BTBD1: variants seen among roughly 807,000 people sequenced by gnomAD.
The protein encoded by BTBD1 is BTB domain containing 1.
A neutral mutation model predicts 48.0 loss-of-function variants in BTBD1; 34 were observed. The ratio of observed to expected loss-of-function variants is 0.71; its 90% CI spans 0.54 to 0.94. The LOEUF is 0.94. Ranked by LOEUF, BTBD1 falls within the 40% of genes least tolerant of loss-of-function variation. BTBD1 has a pLI of 0.00. For missense variants in BTBD1, 543 were observed against 625.6 expected (o/e 0.87, Z 1.41); for synonymous variants, 261 against 242.1 (o/e 1.08, Z -0.72).
chr15:83,017,860 TTTCTC>T lies in BTBD1; in HGVS notation c.*202_*206del, dbSNP rs1396366352. Reference sequence around the variant, plus strand: ...TTTTTAAACCATTAAACCCAGTTCTTTTCTCTTAAAGTTGTAAGAAAATGGAAAAT... The same window carrying T: ...TTTTTAAACCATTAAACCCAGTTCTTTTAAAGTTGTAAGAAAATGGAAAAT... On this transcript the variant is annotated 3_prime_UTR_variant, in exon 8 of 8. Transcript: ENST00000261721. The T allele has an allele frequency of 5.8e-5, 19 of 330,216 alleles. No individual in the cohort carries two copies. Among genetic ancestry groups the T allele is most frequent in the Non-Finnish European group, 1.0e-4 (19 of 184,630 alleles). 20.5% of individuals were successfully genotyped at this position (330,216 alleles called of 1,614,324 possible). A position where few individuals can be genotyped will look rare whatever the true frequency, so the allele number is the denominator to read the frequency against.
In BTBD1 at chr15:83,017,074, T is replaced by TG. The variant is rs1254931930; in HGVS notation, c.*992dup. 1 of 152,658 alleles carries TG rather than the reference T, an allele frequency of 6.6e-6. No individual in the cohort carries two copies. The highest frequency in any genetic ancestry group is 1.5e-5 in the Non-Finnish European group (1 of 68,042). The allele number at this position is 152,658 out of a possible 1,614,324, so 9.5% of individuals were successfully genotyped here. On this transcript the variant is annotated 3_prime_UTR_variant, in exon 8 of 8. Transcript: ENST00000261721. Reference sequence around the variant, plus strand: ...CCAACACAGCTGTAACACTGACTAATGGGGTCATGACCATGAAGCAAATTT... The same window carrying TG: ...CCAACACAGCTGTAACACTGACTAATGGGGGTCATGACCATGAAGCAAATTT...
At chr15:83,026,969 C>CGTGTGTGTGT (rs71156067) in intron 5 of BTBD1, among the ~76,000 whole-genome samples, 3 of 150,162 alleles carry the variant, frequency 2.0e-5, no homozygotes, top group Non-Finnish European at 4.5e-5. Flanking sequence ...AGGGGAAATA[C>CGTGTGTGTGT]GTGTGTGTGT....
intron 5 of BTBD1, chr15:83,024,307 T>C (rs2032362806): frequency 2.0e-5 from 3 of 152,242 alleles, no homozygotes; most frequent in Admixed American, 2.0e-4. Flanking sequence ...TTAATGTAGA[T>C]TCAAAAGATC....
intron 4 of BTBD1, among the ~76,000 whole-genome samples, chr15:83,031,779 A>T (rs78479344): frequency 6.1e-5 from 9 of 147,754 alleles, no homozygotes; most frequent in Admixed American, 1.4e-4. Context: ...AAGTATAATT[A>T]AAAAAAAAAA....
rs750407971 is a variant in BTBD1 at position 83,018,696 on chromosome 15, A to G, written c.1290+11T>C. 17 of 1,613,138 alleles carry G rather than the reference A, an allele frequency of 1.1e-5. No homozygotes were observed. Among genetic ancestry groups the G allele is most frequent in the Non-Finnish European group, 1.3e-5 (15 of 1,179,640 alleles). On this transcript the variant is annotated intron_variant, in intron 7 of 7. Coordinates refer to ENST00000261721, the MANE Select transcript of BTBD1 (RefSeq NM_025238.4). ...GAGGAAACCATCTGGAACATAGTGC[A>G]TGACTCTTACTTTGAGTGTTGCACA...
intron 4 of BTBD1, among the ~76,000 whole-genome samples, chr15:83,034,339 T>A (rs973210984): frequency 1.3e-5 from 2 of 152,154 alleles, no homozygotes; most frequent in Admixed American, 1.3e-4. Flanking sequence ...ACAAGAAGTT[T>A]AGGCCAGGCG....
chr15:83,023,238 GATT>G (rs995402811), intron 5 of BTBD1, among the ~76,000 whole-genome samples: 3 of 151,870 alleles, frequency 2.0e-5, no homozygotes, highest in Non-Finnish European at 2.9e-5. Flanking sequence ...GGATAATCTA[GATT>G]ATTTGCAGTT....
chr15:83,052,797 ATT>A (rs398028150), intron 2 of BTBD1, among the ~76,000 whole-genome samples: 5 of 94,526 alleles, frequency 5.3e-5, no homozygotes, highest in Non-Finnish European at 2.0e-5. Flanking sequence ...CGCCCGGCTA[ATT>A]TTTTTTTTTT....
Position 83,017,562 on chromosome 15 carries a change from C to T in BTBD1, c.*505G>A, listed in dbSNP as rs2032194372. ...ATGCTAACAACAAGATACTTCAAAC[C>T]ACCAAATATAAAGTCAGCTTCTTAA... is the stretch of plus-strand genomic sequence containing the variant. On this transcript the variant is annotated 3_prime_UTR_variant, in exon 8 of 8. Coordinates refer to ENST00000261721, the MANE Select transcript of BTBD1 (RefSeq NM_025238.4). The T allele has an allele frequency of 6.6e-6, 1 of 152,556 alleles. No homozygotes were observed. Among genetic ancestry groups the T allele is most frequent in the South Asian group, 2.1e-4 (1 of 4,830 alleles). The allele number at this position is 152,556 out of a possible 1,614,324, so 9.5% of individuals were successfully genotyped here.
intron 3 of BTBD1, 74 bp downstream of exon 3, chr15:83,049,999 C>A: frequency 3.6e-6 from 3 of 843,302 alleles, no homozygotes; most frequent in Non-Finnish European, 5.6e-6. Context: ...AAAATAGCCC[C>A]TTCTCCAACA....
chr15:83,047,888 G>T, intron 3 of BTBD1, among the ~76,000 whole-genome samples: 1 of 152,182 alleles, frequency 6.6e-6, no homozygotes. Flanking sequence ...TAAATTTTAT[G>T]CAAATGGATG....
chr15:83,053,515 C>T (rs1376142790), intron 2 of BTBD1, among the ~76,000 whole-genome samples: 3 of 152,162 alleles, frequency 2.0e-5, no homozygotes, highest in African/African-American at 4.8e-5. Context: ...TATTCTGGTC[C>T]TACTGAACCA....
chr15:83,061,548 CAG>C (rs2033176512), intron 1 of BTBD1: 1 of 148,148 alleles, frequency 6.8e-6, no homozygotes, highest in East Asian at 2.0e-4. Flanking sequence ...CAGATTGTGG[CAG>C]AGTGACATTG....
intron 4 of BTBD1, among the ~76,000 whole-genome samples, chr15:83,041,422 C>A (rs1028101915): frequency 4.0e-5 from 6 of 150,836 alleles, no homozygotes; most frequent in Non-Finnish European, 7.4e-5. Context: ...GTCGCCCGGG[C>A]TGGAATGCAA....
At chr15:83,027,366 A>T (rs2032430139) in intron 5 of BTBD1, among the ~76,000 whole-genome samples, 1 of 152,154 alleles carries the variant, frequency 6.6e-6, no homozygotes, top group South Asian at 2.1e-4. Context: ...ACAAACAAAC[A>T]AACACCTCGT....
intron 1 of BTBD1, among the ~76,000 whole-genome samples, chr15:83,058,723 T>A (rs568353192): frequency 1.3e-5 from 2 of 152,316 alleles, no homozygotes; most frequent in South Asian, 4.1e-4. Flanking sequence ...TTACTAGAGT[T>A]GTAAAACAGA....
chr15:83,025,360 A>C (rs2032385265), intron 5 of BTBD1, among the ~76,000 whole-genome samples: 4 of 147,838 alleles, frequency 2.7e-5, no homozygotes, highest in African/African-American at 5.0e-5. Flanking sequence ...TCCATCACAA[A>C]AAAAAAAAAA....
At chr15:83,024,418 A>T (rs1384389741) in intron 5 of BTBD1, 1 of 152,226 alleles carries the variant, frequency 6.6e-6, no homozygotes, top group Non-Finnish European at 1.5e-5. Context: ...GTGATTTTGT[A>T]CTTAAAACTT....
At chr15:83,047,960 T>C (rs1277692236) in intron 3 of BTBD1, among the ~76,000 whole-genome samples, 1 of 152,216 alleles carries the variant, frequency 6.6e-6, no homozygotes, top group African/African-American at 2.4e-5. Flanking sequence ...AAGATCATTC[T>C]GGCTGCCATG....
Sources: allele counts gnomAD v4.1 joint callset (sites outside exome capture counted in the v4.1 genomes callset), GRCh38; gene constraint gnomAD v4.1.1; transcripts MANE v1.5; gene names NCBI Gene and HGNC (gene_info 2026-07-23, HGNC 2026-07-21).